Variants in TMEM71 observed in about 807,000 individuals in gnomAD.
TMEM71 encodes transmembrane protein 71.
In TMEM71, 44 loss-of-function variants were observed where a neutral mutation model predicts 38.0. That is an observed-to-expected ratio of 1.16 (90% CI 0.91 to 1.49). TMEM71 has a LOEUF of 1.49. Ranked by LOEUF, TMEM71 falls within the 40% of genes most tolerant of loss-of-function variation. The pLI is 0.00. For missense variants in TMEM71, 367 were observed against 348.6 expected (o/e 1.05, Z -0.42); for synonymous variants, 133 against 122.5 (o/e 1.09, Z -0.56).
At chr8:132,707,040 A>G (rs1023077804), downstream of TMEM71, among the ~76,000 whole-genome samples, 2 of 152,242 alleles carry the variant, frequency 1.3e-5, no homozygotes. Flanking sequence ...TACCACAGAC[A>G]TGCGATCAGC....
intron 4 of TMEM71, among the ~76,000 whole-genome samples, chr8:132,751,541 G>A (rs1469266): frequency 0.31 from 46,373 of 152,024 alleles, 7,301 homozygotes; most frequent in Non-Finnish European, 0.33. Context: ...CTTACCCTTT[G>A]TATTTCCACA....
intron 5 of TMEM71, among the ~76,000 whole-genome samples, chr8:132,743,109 T>C (rs766187128): frequency 6.6e-6 from 1 of 152,036 alleles, no homozygotes; most frequent in African/African-American, 2.4e-5. Context: ...AAGATGAGAT[T>C]TGGGTGGGGA....
At chr8:132,745,497 A>G (rs1828287679) in intron 5 of TMEM71, among the ~76,000 whole-genome samples, 1 of 152,200 alleles carries the variant, frequency 6.6e-6, no homozygotes, top group Admixed American at 6.5e-5. Flanking sequence ...ATCAGTCAGA[A>G]TGGCGACTAT....
intron 5 of TMEM71, among the ~76,000 whole-genome samples, chr8:132,746,366 CATATATATACATATATATATACAT>C (rs1168929632): frequency 1.9e-4 from 4 of 20,644 alleles, no homozygotes; most frequent in African/African-American, 4.1e-4. Context: ...TATACACACA[CATATATATACATATATATATACAT>C]ATATATATAC....
In TMEM71 at chr8:132,734,653, A is replaced by G. The variant is rs1827646246; in HGVS notation, c.488-6667T>C. ...AACCACAAAAAAGTCTTAACATTCA[A>G]AAACGATCAAGGAGATTTTTCATCT... On this transcript the variant is annotated intron_variant, in intron 5 of 9. Coordinates refer to ENST00000677595, the MANE Select transcript of TMEM71 (RefSeq NM_001382403.1). Among the ~76,000 whole-genome samples the G allele has an allele frequency of 2.0e-5, 3 of 152,366 alleles. No individual in the cohort carries two copies. In the South Asian group the frequency reaches 6.2e-4, roughly 32 times the overall value.
At chr8:132,714,365 A>G in intron 7 of TMEM71, 150 bp from the exon 8 acceptor site, 1 of 664,096 alleles carries the variant, frequency 1.5e-6, no homozygotes, top group Non-Finnish European at 2.7e-6. Context: ...GGACAGACAT[A>G]CAGATCAATG....
chr8:132,768,347 T>TA, the TMEM71 span, among the ~76,000 whole-genome samples: 3,264 of 152,252 alleles, frequency 0.021, 125 homozygotes, highest in African/African-American at 0.072. Flanking sequence ...TCTTTTACTT[T>TA]AAAAAATGTT....
At chr8:132,715,359 G>A (rs1490739862) in intron 7 of TMEM71, among the ~76,000 whole-genome samples, 1 of 135,854 alleles carries the variant, frequency 7.4e-6, no homozygotes, top group Admixed American at 8.1e-5. Flanking sequence ...GCAGTGAGCC[G>A]AGGTCACGCC....
intron 6 of TMEM71, among the ~76,000 whole-genome samples, chr8:132,724,998 A>T (rs992159298): frequency 1.3e-5 from 2 of 151,776 alleles, no homozygotes; most frequent in African/African-American, 4.8e-5. Context: ...ACCAGGATCC[A>T]CCATGTATGG....
intron 3 of TMEM71, among the ~76,000 whole-genome samples, chr8:132,756,293 A>T (rs1474574890): frequency 6.6e-6 from 1 of 151,640 alleles, no homozygotes; most frequent in East Asian, 1.9e-4. Flanking sequence ...AAGATAGGAA[A>T]GCATATTTAA....
chr8:132,719,662 GTTTTAGTCAA>G (rs1372672396), intron 7 of TMEM71, among the ~76,000 whole-genome samples: 3 of 152,154 alleles, frequency 2.0e-5, no homozygotes, highest in African/African-American at 4.8e-5. Flanking sequence ...CGTCTATACA[GTTTTAGTCAA>G]TTTTTAATTC....
intron 5 of TMEM71, among the ~76,000 whole-genome samples, chr8:132,730,491 C>T (rs772438626): frequency 6.6e-6 from 1 of 152,106 alleles, no homozygotes; most frequent in Non-Finnish European, 1.5e-5. Flanking sequence ...AAATATGATG[C>T]TTCAGAAAAA....
chr8:132,752,887 G>A (rs1052647292), intron 3 of TMEM71, among the ~76,000 whole-genome samples: 1 of 134,228 alleles, frequency 7.5e-6, no homozygotes, highest in Non-Finnish European at 1.6e-5. Context: ...AAGGAAGGAA[G>A]GAATCACATG....
At chr8:132,739,195 T>C (rs1586796837) in intron 5 of TMEM71, among the ~76,000 whole-genome samples, 1 of 152,240 alleles carries the variant, frequency 6.6e-6, no homozygotes, top group Admixed American at 6.5e-5. Flanking sequence ...GCCTGCACTA[T>C]GAGGGACATG....
the TMEM71 span, among the ~76,000 whole-genome samples, chr8:132,774,557 T>C: frequency 2.6e-5 from 4 of 152,246 alleles, no homozygotes; most frequent in Non-Finnish European, 5.9e-5. Context: ...AAGATAAATA[T>C]AAGTGACATT....
At chr8:132,721,693 T>G (rs945527481) in intron 7 of TMEM71, among the ~76,000 whole-genome samples, 12 of 151,974 alleles carry the variant, frequency 7.9e-5, no homozygotes, top group Non-Finnish European at 1.6e-4. Flanking sequence ...ATTACAGGCA[T>G]GAGCCACCAC....
chr8:132,751,925 G>A lies in TMEM71; in HGVS notation c.174C>T (p.His58=). The change falls in exon 4 of 10, where the codon CAC becomes CAT. Residue 58 remains histidine, a synonymous_variant. Transcript: ENST00000677595. ...CGSIDPLTGS[H]YTCRRSPRLL... ...GTCTGGGACTTCGGCGACAGGTATA[G>A]TGGGAGCCTGTCAGGGGATCTATGG... 4 of 1,614,132 alleles carry A rather than the reference G, an allele frequency of 2.5e-6. No homozygotes were observed. The highest frequency in any genetic ancestry group is 3.4e-6 in the Non-Finnish European group (4 of 1,180,022).
intron 8 of TMEM71, 46 bp from the exon 9 acceptor site, chr8:132,714,098 CA>C (rs1826376590): frequency 3.7e-6 from 6 of 1,610,608 alleles, no homozygotes; most frequent in Non-Finnish European, 5.1e-6. Context: ...TTAAAGTGAC[CA>C]AAATTGGAAT....
At chr8:132,718,491 G>T (rs765612788) in intron 7 of TMEM71, among the ~76,000 whole-genome samples, 1 of 146,164 alleles carries the variant, frequency 6.8e-6, no homozygotes, top group Non-Finnish European at 1.5e-5. Context: ...TCCACCTCCC[G>T]GGTTCACACC....
Sources: gnomAD v4.1 joint callset for allele counts (sites outside exome capture counted in the v4.1 genomes callset) on GRCh38, gnomAD v4.1.1 for gene constraint, MANE v1.5 for transcripts, NCBI Gene and HGNC (gene_info 2026-07-23, HGNC 2026-07-21) for gene names.